Variants in FGGY observed in about 807,000 individuals in gnomAD.
FGGY encodes the protein FGGY carbohydrate kinase domain containing, also known as FGGY carbohydrate kinase domain-containing protein.
In FGGY, 72 loss-of-function variants were observed where a neutral mutation model predicts 71.3. The ratio of observed to expected loss-of-function variants is 1.01; its 90% CI spans 0.84 to 1.23. FGGY has a LOEUF of 1.23. Among genes scored for constraint, FGGY ranks in the 50% most tolerant of loss-of-function variants. The probability of loss-of-function intolerance (pLI) is 0.00; values close to 1 mark genes in which losing one functional copy is unlikely to be tolerated. For synonymous variants in FGGY, 251 were observed against 250.3 expected (o/e 1.00, Z -0.02); for missense variants, 668 against 682.3 (o/e 0.98, Z 0.23).
At position 59,704,927 on chromosome 1, in the gene FGGY, C is replaced by A. The variant is rs142094581; in HGVS notation, c.1512+30794C>A. On this transcript the variant is annotated intron_variant, in intron 14 of 15. Transcript: ENST00000303721. ...TGATGTCCCTGTGCCTTTGCCAATG[C>A]TGGATATTGTCAGTTGTTTAATATT... Among the ~76,000 whole-genome samples the A allele has an allele frequency of 5.1e-4, 77 of 152,302 alleles. No homozygotes were observed. In the East Asian group the frequency reaches 9.1e-3, roughly 18 times the overall value.
At chr1:59,487,067 T>C (rs1015942707) in intron 6 of FGGY, among the ~76,000 whole-genome samples, 7 of 152,066 alleles carry the variant, frequency 4.6e-5, no homozygotes, top group Non-Finnish European at 8.8e-5. Context: ...CCCCTGAGGT[T>C]TTTCAGTGTA....
At chr1:59,475,726 G>A (rs182842207) in intron 6 of FGGY, among the ~76,000 whole-genome samples, 1 of 152,318 alleles carries the variant, frequency 6.6e-6, no homozygotes, top group Admixed American at 6.5e-5. Flanking sequence ...AGGCATTCCT[G>A]CCCCTCTTCA....
chr1:59,583,901 T>C (rs532258219), intron 8 of FGGY, among the ~76,000 whole-genome samples: 4 of 144,426 alleles, frequency 2.8e-5, no homozygotes, highest in Admixed American at 1.4e-4. Context: ...GCAGGTCTGA[T>C]GCAGCTGACA....
At chr1:59,461,236 G>A (rs1572427667) in intron 6 of FGGY, among the ~76,000 whole-genome samples, 1 of 152,268 alleles carries the variant, frequency 6.6e-6, no homozygotes, top group African/African-American at 2.4e-5. Context: ...ATGACCTGAT[G>A]GAGCTGAAAA....
At chr1:59,699,865 G>A (rs575009735) in intron 14 of FGGY, among the ~76,000 whole-genome samples, 31 of 152,226 alleles carry the variant, frequency 2.0e-4, no homozygotes, top group Middle Eastern at 3.4e-3. Context: ...CGAATGTCTC[G>A]CTTCTCACAT....
intron 13 of FGGY, among the ~76,000 whole-genome samples, chr1:59,669,387 A>T (rs919996128): frequency 3.9e-5 from 6 of 152,188 alleles, no homozygotes; most frequent in African/African-American, 9.6e-5. Context: ...TGGGCCGTTC[A>T]AAGCAGAAGG....
intron 2 of FGGY, among the ~76,000 whole-genome samples, chr1:59,335,373 C>G (rs1340302170): frequency 1.3e-5 from 2 of 152,152 alleles, no homozygotes; most frequent in African/African-American, 4.8e-5. Flanking sequence ...CATGTTGTTA[C>G]ATATATCAGT....
intron 4 of FGGY, among the ~76,000 whole-genome samples, chr1:59,373,805 G>T (rs561532056): frequency 1.5e-4 from 23 of 152,308 alleles, no homozygotes; most frequent in African/African-American, 4.6e-4. Flanking sequence ...AAGCAATGGG[G>T]AAAGGATTCC....
At chr1:59,471,942 G>C (rs889283733) in intron 6 of FGGY, among the ~76,000 whole-genome samples, 6 of 152,378 alleles carry the variant, frequency 3.9e-5, no homozygotes, top group African/African-American at 1.4e-4. Context: ...GAAAATTGGA[G>C]TGGTAGTGAG....
chr1:59,366,903 CAG>C (rs1428822021), intron 4 of FGGY, among the ~76,000 whole-genome samples: 1 of 152,070 alleles, frequency 6.6e-6, no homozygotes, highest in African/African-American at 2.4e-5. Context: ...CCAGCTGTAA[CAG>C]AGGACTGGAA....
At chr1:59,483,338 T>A (rs1429853877) in intron 6 of FGGY, among the ~76,000 whole-genome samples, 2 of 152,194 alleles carry the variant, frequency 1.3e-5, no homozygotes, top group Non-Finnish European at 2.9e-5. Context: ...TTTGCAGATA[T>A]TGTGCTACAT....
chr1:59,621,714 A>G (rs550584694), intron 9 of FGGY, among the ~76,000 whole-genome samples: 6 of 151,622 alleles, frequency 4.0e-5, no homozygotes, highest in African/African-American at 1.5e-4. Context: ...CTTTCCCTTT[A>G]TATAATATGT....
chr1:59,546,514 G>GATTATTATT (rs1248154933), intron 7 of FGGY, among the ~76,000 whole-genome samples: 2 of 144,900 alleles, frequency 1.4e-5, no homozygotes, highest in Non-Finnish European at 3.0e-5. Flanking sequence ...TGATGATGAT[G>GATTATTATT]ATGATGATGA....
At chr1:59,735,838 G>C (rs2098097036) in intron 14 of FGGY, among the ~76,000 whole-genome samples, 1 of 152,160 alleles carries the variant, frequency 6.6e-6, no homozygotes, top group South Asian at 2.1e-4. Context: ...GCAGGAGATG[G>C]AACTCCTTTC....
intron 5 of FGGY, among the ~76,000 whole-genome samples, chr1:59,431,483 G>A (rs1206620254): frequency 1.3e-5 from 2 of 152,088 alleles, no homozygotes; most frequent in Non-Finnish European, 2.9e-5. Flanking sequence ...CTACACTTCT[G>A]TATTATTAGG....
chr1:59,566,254 G>A (rs868126700), intron 8 of FGGY, among the ~76,000 whole-genome samples: 4 of 152,062 alleles, frequency 2.6e-5, no homozygotes, highest in South Asian at 2.1e-4. Context: ...ATTGGGTCCC[G>A]TGCCAAGTGC....
chr1:59,630,506 A>G (rs1327863622), intron 10 of FGGY, among the ~76,000 whole-genome samples: 3 of 152,212 alleles, frequency 2.0e-5, no homozygotes, highest in Non-Finnish European at 4.4e-5. Flanking sequence ...TTCTTCATCC[A>G]TAAATTACAA....
At chr1:59,497,764 C>T (rs1350647128) in intron 6 of FGGY, among the ~76,000 whole-genome samples, 1 of 152,188 alleles carries the variant, frequency 6.6e-6, no homozygotes, top group African/African-American at 2.4e-5. Context: ...ATGAACAATT[C>T]TTCCCCATGT....
At chr1:59,515,874 A>T (rs1283194966) in intron 7 of FGGY, among the ~76,000 whole-genome samples, 1 of 152,196 alleles carries the variant, frequency 6.6e-6, no homozygotes, top group African/African-American at 2.4e-5. Flanking sequence ...CTAATGCAGT[A>T]AGTTAGTAAC....
Sources: allele counts gnomAD v4.1 joint callset (sites outside exome capture counted in the v4.1 genomes callset), GRCh38; gene constraint gnomAD v4.1.1; transcripts MANE v1.5; gene names NCBI Gene and HGNC (gene_info 2026-07-23, HGNC 2026-07-21).